The following KATNIP variants were observed in gnomAD, a reference collection of about 807,000 sequenced individuals.
The protein encoded by KATNIP is katanin-interacting protein.
In KATNIP, 126 loss-of-function variants were observed where a neutral mutation model predicts 174.0. The observed-to-expected ratio is 0.72, with a 90% CI of 0.63 to 0.84. The LOEUF is 0.84. Among genes scored for constraint, KATNIP ranks in the 40% least tolerant of loss-of-function variants. KATNIP has a pLI of 0.00. For synonymous variants in KATNIP, 810 were observed against 835.7 expected, an observed-to-expected ratio of 0.97 and a Z score of 0.53; for missense variants, 1,958 against 2,109.7, an observed-to-expected ratio of 0.93 and a Z score of 1.41.
At position 27,766,510 on chromosome 16, in the gene KATNIP, A is replaced by G. The variant is rs8043555; in HGVS notation, c.3975+36A>G. ...GAGCAGTGGCCGTGCTCAGTCCAGCATCAGGGAAGCAGCACCTTGATGAAT... is the reference window on the plus strand; with the variant it reads ...GAGCAGTGGCCGTGCTCAGTCCAGCGTCAGGGAAGCAGCACCTTGATGAAT... On this transcript the variant is annotated intron_variant, in intron 20 of 27. Coordinates refer to ENST00000261588, the MANE Select transcript of KATNIP (RefSeq NM_015202.5). 1,369,622 of 1,591,906 alleles carry G rather than the reference A, an allele frequency of 0.86. 590,600 individuals carry two copies. The highest frequency in any genetic ancestry group is 0.98 in the African/African-American group (73,021 of 74,846).
At chr16:27,550,316 G>T in intron 1 of KATNIP, 139 bp downstream of exon 1, 1 of 958,572 alleles carries the variant, frequency 1.0e-6, no homozygotes, top group South Asian at 1.6e-5. Flanking sequence ...ATGAGGGATA[G>T]GGAGGCTTAG....
chr16:27,666,767 C>T (rs2077702231), intron 6 of KATNIP, among the ~76,000 whole-genome samples: 2 of 152,154 alleles, frequency 1.3e-5, no homozygotes, highest in South Asian at 4.1e-4. Flanking sequence ...TGGTTCACGC[C>T]TGTAATCCCA....
intron 12 of KATNIP, 89 bp downstream of exon 12, chr16:27,704,087 G>A (rs2079203852): frequency 2.0e-6 from 2 of 1,000,010 alleles, no homozygotes; most frequent in Admixed American, 1.9e-5. Context: ...CTCTGACAGT[G>A]GTTAAATGAG....
At chr16:27,619,113 TCTTCAGG>T (rs2076124718) in intron 3 of KATNIP, among the ~76,000 whole-genome samples, 1 of 152,214 alleles carries the variant, frequency 6.6e-6, no homozygotes, top group African/African-American at 2.4e-5. Context: ...CCGCAGTTTG[TCTTCAGG>T]CCTCAAACTT....
intron 6 of KATNIP, among the ~76,000 whole-genome samples, chr16:27,665,166 A>C (rs1277205021): frequency 7.0e-6 from 1 of 143,864 alleles, no homozygotes; most frequent in African/African-American, 2.6e-5. Flanking sequence ...TCACTCTGTC[A>C]CCCAGGTTGG....
chr16:27,683,662 A>G (rs1466071629), intron 8 of KATNIP, among the ~76,000 whole-genome samples: 3 of 152,178 alleles, frequency 2.0e-5, no homozygotes, highest in Non-Finnish European at 4.4e-5. Context: ...GATTCTGTCA[A>G]CTTTGGTGAG....
At chr16:27,550,741 T>C (rs951553055) in intron 1 of KATNIP, among the ~76,000 whole-genome samples, 3 of 152,184 alleles carry the variant, frequency 2.0e-5, no homozygotes, top group Admixed American at 6.5e-5. Flanking sequence ...CGTTGTTCCA[T>C]TTTACAGATG....
intron 19 of KATNIP, among the ~76,000 whole-genome samples, chr16:27,765,197 G>A (rs1281264137): frequency 6.6e-6 from 1 of 152,090 alleles, no homozygotes; most frequent in African/African-American, 2.4e-5. Context: ...CCAGGACCAG[G>A]CTTCTGAATG....
intron 22 of KATNIP, among the ~76,000 whole-genome samples, chr16:27,772,412 G>A (rs1249918477): frequency 6.6e-6 from 1 of 152,246 alleles, no homozygotes; most frequent in Non-Finnish European, 1.5e-5. Context: ...CCGCTCTCTA[G>A]CCAGCCAGTT....
chr16:27,699,068 T>A (rs1488674374), intron 9 of KATNIP, among the ~76,000 whole-genome samples: 1 of 152,216 alleles, frequency 6.6e-6, no homozygotes, highest in Admixed American at 6.5e-5. Context: ...TATAGCTTGG[T>A]GTGCACGTCC....
At chr16:27,628,968 G>A in intron 4 of KATNIP, 138 bp downstream of exon 4, 1 of 821,606 alleles carries the variant, frequency 1.2e-6, no homozygotes, top group Non-Finnish European at 1.9e-6. Context: ...AAGAGTTCCA[G>A]ACCAGCCTGG....
At chr16:27,553,567 C>G (rs1018876489) in intron 1 of KATNIP, among the ~76,000 whole-genome samples, 1 of 152,156 alleles carries the variant, frequency 6.6e-6, no homozygotes, top group East Asian at 1.9e-4. Context: ...ATAGTCCCAC[C>G]GCTTTGGGAG....
chr16:27,565,315 A>G (rs905875346), intron 1 of KATNIP, among the ~76,000 whole-genome samples: 1 of 151,216 alleles, frequency 6.6e-6, no homozygotes, highest in African/African-American at 2.4e-5. Flanking sequence ...AAAATGCAAA[A>G]ATTAGCTGGG....
chr16:27,751,555 A>G (rs966233664), intron 16 of KATNIP, among the ~76,000 whole-genome samples, 164 bp from the exon 17 acceptor site: 1 of 152,216 alleles, frequency 6.6e-6, no homozygotes, highest in Admixed American at 6.5e-5. Flanking sequence ...TGGTCCGTGC[A>G]TTCCATTTGC....
At chr16:27,686,834 C>T (rs981378635) in intron 8 of KATNIP, among the ~76,000 whole-genome samples, 2 of 152,144 alleles carry the variant, frequency 1.3e-5, no homozygotes, top group African/African-American at 4.8e-5. Flanking sequence ...AAGTTTACCA[C>T]TTCTCATTTA....
At chr16:27,656,623 G>C (rs969324762) in intron 6 of KATNIP, among the ~76,000 whole-genome samples, 1 of 150,466 alleles carries the variant, frequency 6.6e-6, no homozygotes, top group Admixed American at 6.7e-5. Flanking sequence ...AAAATGATGA[G>C]TTCATGTCCT....
intron 8 of KATNIP, among the ~76,000 whole-genome samples, chr16:27,681,780 G>A (rs2078352922): frequency 6.6e-6 from 1 of 152,228 alleles, no homozygotes; most frequent in East Asian, 1.9e-4. Flanking sequence ...TGCAGGAAGA[G>A]CCTATGTCAG....
At chr16:27,746,213 C>CT (rs567911335) in intron 15 of KATNIP, among the ~76,000 whole-genome samples, 17 of 152,296 alleles carry the variant, frequency 1.1e-4, no homozygotes, top group African/African-American at 3.8e-4. Flanking sequence ...AGCAAAGTCC[C>CT]TGCCTGCCTC....
chr16:27,750,000 G>T lies in KATNIP; in HGVS notation c.3040G>T (p.Asp1014Tyr). The change falls in exon 16 of 28, where the codon GAC becomes TAC. Residue 1014 changes from aspartate to tyrosine, a missense_variant. By Grantham distance (160) the Asp-to-Tyr change is radical. Transcript: ENST00000261588. Reference sequence around the variant, plus strand: ...GGTGCAGATTTCAAACATAAAAGCAGACCCTCCCGATATCAATATTTTACC... The same window carrying T: ...GGTGCAGATTTCAAACATAAAAGCATACCCTCCCGATATCAATATTTTACC... ...EPVQISNIKA[D>Y]PPDINILPAY... is the part of the protein sequence containing the mutation. 6.2e-7 allele frequency: 1 copy of T among 1,614,140 alleles called. No individual in the cohort carries two copies. The highest frequency in any genetic ancestry group is 8.5e-7 in the Non-Finnish European group (1 of 1,180,024).
Sources: gnomAD v4.1 joint callset for allele counts (sites outside exome capture counted in the v4.1 genomes callset) on GRCh38, gnomAD v4.1.1 for gene constraint, MANE v1.5 for transcripts, NCBI Gene and HGNC (gene_info 2026-07-23, HGNC 2026-07-21) for gene names.